Variants in ZMYND8 observed in about 807,000 individuals in gnomAD.
ZMYND8 encodes zinc finger MYND-type containing 8, also known as MYND-type zinc finger-containing chromatin reader ZMYND8.
ZMYND8 carries 37 observed loss-of-function variants against 140.8 expected under a neutral mutation model. The observed-to-expected ratio is 0.26, with a 90% CI of 0.20 to 0.35. The LOEUF is 0.35. ZMYND8 is among the 10% of genes least tolerant of loss of function. The pLI is 1.00. For synonymous variants in ZMYND8, 592 were observed against 597.1 expected, an observed-to-expected ratio of 0.99 and a Z score of 0.12; for missense variants, 1,068 against 1,570.0, an observed-to-expected ratio of 0.68 and a Z score of 5.40.
intron 11 of ZMYND8, among the ~76,000 whole-genome samples, chr20:47,272,140 C>T (rs1445346325): frequency 2.0e-5 from 3 of 151,428 alleles, no homozygotes; most frequent in Admixed American, 6.6e-5. Flanking sequence ...TGCAGTGGTG[C>T]GATCTCGGCT....
At position 47,349,564 on chromosome 20, in the gene ZMYND8, A is replaced by G. The variant is rs181093384; in HGVS notation, c.15-1638T>C. Reference sequence around the variant, plus strand: ...GCCTGAAACATACACAGGTTGTCCAACTGGATGCTGTTGATGGGTTCTGGC... The same window carrying G: ...GCCTGAAACATACACAGGTTGTCCAGCTGGATGCTGTTGATGGGTTCTGGC... On this transcript the variant is annotated intron_variant, in intron 1 of 22. Coordinates refer to ENST00000471951, the MANE Select transcript of ZMYND8 (RefSeq NM_001281775.3). Among the ~76,000 whole-genome samples the G allele has an allele frequency of 1.3e-3, 198 of 152,312 alleles. 1 individual carries two copies. Among genetic ancestry groups the G allele is most frequent in the Non-Finnish European group, 1.9e-3 (130 of 68,030 alleles).
chr20:47,247,659 C>G (rs1264943695), intron 13 of ZMYND8, among the ~76,000 whole-genome samples: 1 of 152,232 alleles, frequency 6.6e-6, no homozygotes, highest in Non-Finnish European at 1.5e-5. Flanking sequence ...TGTGCAATCT[C>G]TTCATTCTAG....
At chr20:47,337,150 G>A (rs963477393) in intron 2 of ZMYND8, among the ~76,000 whole-genome samples, 2 of 151,388 alleles carry the variant, frequency 1.3e-5, no homozygotes, top group South Asian at 2.1e-4. Context: ...TCAGGAATTC[G>A]AGACCAGCCT....
chr20:47,341,947 G>A (rs1180784697), intron 2 of ZMYND8, among the ~76,000 whole-genome samples: 2 of 151,892 alleles, frequency 1.3e-5, no homozygotes, highest in Non-Finnish European at 2.9e-5. Context: ...AGCTTGCAGT[G>A]AGCGGAGATC....
chr20:47,308,321 C>T (rs1002223987), intron 3 of ZMYND8, among the ~76,000 whole-genome samples: 6 of 150,592 alleles, frequency 4.0e-5, no homozygotes, highest in Admixed American at 2.0e-4. Flanking sequence ...CAGGTTCAAG[C>T]AATTCTCGTG....
chr20:47,318,006 T>G (rs1305278611), intron 2 of ZMYND8, among the ~76,000 whole-genome samples: 1 of 152,188 alleles, frequency 6.6e-6, no homozygotes, highest in Admixed American at 6.5e-5. Flanking sequence ...ACTGTATTTT[T>G]TTTAACCAAT....
At chr20:47,326,577 G>A (rs567614891) in intron 2 of ZMYND8, among the ~76,000 whole-genome samples, 163 of 152,220 alleles carry the variant, frequency 1.1e-3, no homozygotes, top group Middle Eastern at 3.4e-3. Context: ...TTTCTTATAC[G>A]TCTGAGTCTG....
Position 47,298,663 on chromosome 20 carries a change from A to C in ZMYND8, c.453+66T>G. 1.9e-6 allele frequency: 3 copies of C among 1,544,088 alleles called. No homozygotes were observed. In the Admixed American group the frequency reaches 6.0e-5, roughly 31 times the overall value. ...ATCTGGATTATTTGTAAATTTAAAAATAAAAGGAAGAAAGAGAAAGGAGAG... is the reference window on the plus strand; with the variant it reads ...ATCTGGATTATTTGTAAATTTAAAACTAAAAGGAAGAAAGAGAAAGGAGAG... On this transcript the variant is annotated intron_variant, in intron 4 of 22. Transcript: ENST00000471951. This position sits in a 1 kb window ranked among gnomAD's most constrained non-coding sequence, Gnocchi z 5.0.
At chr20:47,249,013 G>A (rs2073956150) in intron 13 of ZMYND8, among the ~76,000 whole-genome samples, 1 of 152,126 alleles carries the variant, frequency 6.6e-6, no homozygotes, top group African/African-American at 2.4e-5. Context: ...TCCTCATTCT[G>A]CTTGCAAACC....
At chr20:47,326,062 A>C (rs1569204361) in intron 2 of ZMYND8, among the ~76,000 whole-genome samples, 2 of 152,176 alleles carry the variant, frequency 1.3e-5, no homozygotes, top group Non-Finnish European at 2.9e-5. Flanking sequence ...AGTTCAAGCA[A>C]TTCTCCTGCC....
At chr20:47,335,393 G>A (rs2081311631) in intron 2 of ZMYND8, among the ~76,000 whole-genome samples, 1 of 152,042 alleles carries the variant, frequency 6.6e-6, no homozygotes, top group African/African-American at 2.4e-5. Flanking sequence ...GAAGTTGAAG[G>A]GGGCTTATTA....
intron 15 of ZMYND8, 181 bp downstream of exon 15, chr20:47,238,577 A>C: frequency 8.4e-7 from 1 of 1,190,918 alleles, no homozygotes; most frequent in Non-Finnish European, 1.1e-6. Context: ...GAAAGTAAAA[A>C]AGCAAGTAGC....
intron 1 of ZMYND8, chr20:47,350,095 G>C: frequency 1.5e-6 from 2 of 1,327,988 alleles, no homozygotes; most frequent in Non-Finnish European, 1.9e-6. Flanking sequence ...AAGTTAAGCT[G>C]TTTTATCTTT....
rs1382521639 is a variant in ZMYND8, at chr20:47,298,467, A to T, written c.453+262T>A. 15 of 985,340 alleles carry T rather than the reference A, an allele frequency of 1.5e-5. No individual in the cohort carries two copies. Among genetic ancestry groups the T allele is most frequent in the Non-Finnish European group, 1.8e-5 (15 of 829,952 alleles). The allele number at this position is 985,340 out of a possible 1,614,324, so 61.0% of individuals were successfully genotyped here. Reference sequence around the variant, plus strand: ...AAAGTTCATCATAGAAGATGCAGAGATGACGACTACAGATCTCCAAGGAAT... The same window carrying T: ...AAAGTTCATCATAGAAGATGCAGAGTTGACGACTACAGATCTCCAAGGAAT... On this transcript the variant is annotated intron_variant, in intron 4 of 22. Coordinates refer to ENST00000471951, the MANE Select transcript of ZMYND8 (RefSeq NM_001281775.3). The surrounding 1 kb of genome is among the most constrained non-coding windows in gnomAD (Gnocchi z 5.0).
intron 2 of ZMYND8, among the ~76,000 whole-genome samples, chr20:47,311,785 G>A (rs1271783087): frequency 6.6e-6 from 1 of 152,090 alleles, no homozygotes; most frequent in Admixed American, 6.6e-5. Context: ...CAGGAGAATC[G>A]CTTGAACCCA....
intron 2 of ZMYND8, among the ~76,000 whole-genome samples, chr20:47,343,083 C>T (rs1283020822): frequency 6.6e-6 from 1 of 152,104 alleles, no homozygotes; most frequent in African/African-American, 2.4e-5. Context: ...AAATTCAAAA[C>T]CAGCCTGGGC....
intron 2 of ZMYND8, among the ~76,000 whole-genome samples, chr20:47,327,148 C>A (rs2080498078): frequency 6.6e-6 from 1 of 152,126 alleles, no homozygotes; most frequent in East Asian, 2.0e-4. Flanking sequence ...TCCCTAGTAG[C>A]TGGAATTACA....
At chr20:47,329,284 G>A (rs751204334) in intron 2 of ZMYND8, among the ~76,000 whole-genome samples, 5 of 152,180 alleles carry the variant, frequency 3.3e-5, no homozygotes, top group Non-Finnish European at 5.9e-5. Context: ...TCGAATGATG[G>A]CAATGTTCTC....
At chr20:47,340,902 T>C (rs765173957) in intron 2 of ZMYND8, among the ~76,000 whole-genome samples, 2 of 151,922 alleles carry the variant, frequency 1.3e-5, no homozygotes, top group Non-Finnish European at 2.9e-5. Context: ...ATCAGAGGGA[T>C]AGAGGACGCT....
Sources: gnomAD v4.1 joint callset for allele counts (sites outside exome capture counted in the v4.1 genomes callset) on GRCh38, gnomAD v4.1.1 for gene constraint, Gnocchi (gnomAD v3.1) non-coding constraint, MANE v1.5 for transcripts, NCBI Gene and HGNC (gene_info 2026-07-23, HGNC 2026-07-21) for gene names.